The following NALF1 variants were observed in gnomAD, a reference collection of about 807,000 sequenced individuals.
NALF1 encodes NALCN channel auxiliary factor 1.
A neutral mutation model predicts 48.4 loss-of-function variants in NALF1; 3 were observed. The ratio of observed to expected loss-of-function variants is 0.06; its 90% CI spans 0.03 to 0.16. The LOEUF (loss-of-function observed/expected upper bound fraction) is 0.16, where lower values mean the gene tolerates loss of function less well. Among genes scored for constraint, NALF1 ranks in the 10% least tolerant of loss-of-function variants. The pLI, the probability that NALF1 is intolerant of heterozygous loss-of-function variation, is 1.00. For missense variants in NALF1, 526 were observed against 571.5 expected, an observed-to-expected ratio of 0.92 and a Z score of 0.81; for synonymous variants, 262 against 245.7, an observed-to-expected ratio of 1.07 and a Z score of -0.62.
chr13:107,803,185 C>G (rs568601835), intron 1 of NALF1, among the ~76,000 whole-genome samples: 5 of 152,146 alleles, frequency 3.3e-5, no homozygotes, highest in African/African-American at 1.2e-4. Flanking sequence ...GGTAGCTGAG[C>G]TGTGCCTATT....
At chr13:107,747,661 T>C (rs1876820247) in intron 1 of NALF1, among the ~76,000 whole-genome samples, 1 of 152,210 alleles carries the variant, frequency 6.6e-6, no homozygotes. Context: ...TTGTTAGATA[T>C]AGATAACTAA....
chr13:107,289,727 G>C (rs962097742), intron 1 of NALF1, among the ~76,000 whole-genome samples: 14 of 152,110 alleles, frequency 9.2e-5, no homozygotes, highest in African/African-American at 3.4e-4. Flanking sequence ...AGAGCCATTT[G>C]GGGATAAAAC....
At chr13:107,472,206 G>A (rs1885111891) in intron 1 of NALF1, among the ~76,000 whole-genome samples, 2 of 152,154 alleles carry the variant, frequency 1.3e-5, no homozygotes, top group Admixed American at 1.3e-4. Context: ...GCGGGCACCT[G>A]TAATCCCAGG....
At chr13:107,286,255 C>G (rs913656211) in intron 1 of NALF1, among the ~76,000 whole-genome samples, 1 of 152,088 alleles carries the variant, frequency 6.6e-6, no homozygotes, top group Non-Finnish European at 1.5e-5. Context: ...TCCACTCTTA[C>G]GTATATACCC....
At chr13:107,743,858 G>A (rs2138546479) in intron 1 of NALF1, among the ~76,000 whole-genome samples, 1 of 152,272 alleles carries the variant, frequency 6.6e-6, no homozygotes, top group East Asian at 1.9e-4. Context: ...TTTTGTATAG[G>A]CAATAGGGAG....
chr13:107,312,658 A>C (rs1196907856), intron 1 of NALF1, among the ~76,000 whole-genome samples: 1 of 152,228 alleles, frequency 6.6e-6, no homozygotes, highest in Non-Finnish European at 1.5e-5. Flanking sequence ...AGAAAATCAG[A>C]GGAGAACCCT....
chr13:107,673,914 C>A (rs1295904667), intron 1 of NALF1, among the ~76,000 whole-genome samples: 1 of 152,072 alleles, frequency 6.6e-6, no homozygotes, highest in Non-Finnish European at 1.5e-5. Context: ...CTTGAAGAAG[C>A]AGAAGGCACA....
chr13:107,287,698 TTTTC>T (rs1384550772), intron 1 of NALF1, among the ~76,000 whole-genome samples: 2 of 121,962 alleles, frequency 1.6e-5, no homozygotes, highest in African/African-American at 5.6e-5. Flanking sequence ...CTTTCTTTTC[TTTTC>T]TTTCTTTTTT....
intron 1 of NALF1, among the ~76,000 whole-genome samples, chr13:107,468,360 C>T (rs1034215498): frequency 6.6e-6 from 1 of 152,086 alleles, no homozygotes; most frequent in African/African-American, 2.4e-5. Context: ...ACCGTTTTTC[C>T]ACTCTCATAA....
intron 1 of NALF1, among the ~76,000 whole-genome samples, chr13:107,629,269 A>C (rs1269412652): frequency 6.6e-6 from 1 of 152,186 alleles, no homozygotes. Context: ...AGCAGTAATC[A>C]CTAATACATC....
chr13:107,223,214 A>T (rs2138817317), intron 1 of NALF1, among the ~76,000 whole-genome samples: 1 of 152,314 alleles, frequency 6.6e-6, no homozygotes, highest in East Asian at 1.9e-4. Context: ...ATTTATTGGC[A>T]TCTTGTGAAA....
At chr13:107,786,113 G>A (rs186303023) in intron 1 of NALF1, among the ~76,000 whole-genome samples, 5 of 152,210 alleles carry the variant, frequency 3.3e-5, no homozygotes, top group African/African-American at 1.2e-4. Flanking sequence ...ACCCTCACAG[G>A]AAGGAACTCA....
chr13:107,527,052 G>A (rs1876471428), intron 1 of NALF1, among the ~76,000 whole-genome samples: 1 of 152,134 alleles, frequency 6.6e-6, no homozygotes, highest in Admixed American at 6.6e-5. Context: ...CCCAATGTTT[G>A]CAATGTGTCT....
At chr13:107,430,921 G>T (rs901372044) in intron 1 of NALF1, among the ~76,000 whole-genome samples, 4 of 152,174 alleles carry the variant, frequency 2.6e-5, no homozygotes, top group Non-Finnish European at 4.4e-5. Context: ...CACCAACAGT[G>T]TAAAAGTGTT....
At chr13:107,496,142 A>T (rs1165913507) in intron 1 of NALF1, among the ~76,000 whole-genome samples, 1 of 152,126 alleles carries the variant, frequency 6.6e-6, no homozygotes, top group Non-Finnish European at 1.5e-5. Context: ...AACTACCTTG[A>T]TTTAATAAGT....
intron 1 of NALF1, among the ~76,000 whole-genome samples, chr13:107,712,997 C>T (rs1875649471): frequency 2.6e-5 from 4 of 152,264 alleles, no homozygotes; most frequent in South Asian, 4.1e-4. Context: ...CACTGGGGAG[C>T]GAGCCCTTCT....
intron 1 of NALF1, among the ~76,000 whole-genome samples, chr13:107,269,215 G>C (rs1260426397): frequency 1.3e-5 from 2 of 151,984 alleles, no homozygotes; most frequent in East Asian, 3.9e-4. Context: ...AATTGTGGGT[G>C]GGAGTACAGT....
intron 1 of NALF1, among the ~76,000 whole-genome samples, chr13:107,302,214 C>T (rs1881851036): frequency 6.6e-6 from 1 of 152,144 alleles, no homozygotes; most frequent in Non-Finnish European, 1.5e-5. Flanking sequence ...AGAGCCCACA[C>T]CAGGAGAAGG....
chr13:107,209,257 A>C (rs565838030), intron 2 of NALF1, among the ~76,000 whole-genome samples: 1 of 152,274 alleles, frequency 6.6e-6, no homozygotes, highest in African/African-American at 2.4e-5. Flanking sequence ...TGTAATTCCA[A>C]CACTTTTGGG....
Sources: gnomAD v4.1 joint callset for allele counts (sites outside exome capture counted in the v4.1 genomes callset) on GRCh38, gnomAD v4.1.1 for gene constraint, MANE v1.5 for transcripts, NCBI Gene and HGNC (gene_info 2026-07-23, HGNC 2026-07-21) for gene names.